The following LIMCH1 variants were observed in gnomAD, a reference collection of about 807,000 sequenced individuals.
LIMCH1 encodes LIM and calponin homology domains 1.
In LIMCH1, 113 loss-of-function variants were observed where a neutral mutation model predicts 176.5. That is an observed-to-expected ratio of 0.64 (90% confidence interval 0.55 to 0.75). The LOEUF (loss-of-function observed/expected upper bound fraction) is 0.75, where lower values mean the gene tolerates loss of function less well. LIMCH1 is among the 30% of genes least tolerant of loss of function. The pLI is 0.00. For missense variants in LIMCH1, 1,674 were observed against 1,814.9 expected, an observed-to-expected ratio of 0.92 and a Z score of 1.41; for synonymous variants, 619 against 645.9, an observed-to-expected ratio of 0.96 and a Z score of 0.63.
At chr4:41,426,017 CTTT>C (rs913325890) in intron 1 of LIMCH1, among the ~76,000 whole-genome samples, 3 of 102,862 alleles carry the variant, frequency 2.9e-5, no homozygotes, top group African/African-American at 1.1e-4. Flanking sequence ...TGAAAAGATT[CTTT>C]TTTTTTTTTT....
In LIMCH1 at chr4:41,624,431, C is replaced by T. The variant is rs567727797; in HGVS notation, c.726-2277C>T. Among the ~76,000 whole-genome samples, 12 of 152,152 alleles carry T rather than the reference C, an allele frequency of 7.9e-5. No individual in the cohort carries two copies. The East Asian group carries it at 1.9e-3, about 25-fold the overall frequency. On this transcript the variant is annotated intron_variant, in intron 7 of 31. Transcript: ENST00000503057. The stretch of plus-strand genomic sequence containing the variant: ...CCCTCCTTACCAAACGCCGGTTCAC[C>T]GTGGCTGCTGAACAGATCCTTGGGT...
At chr4:41,550,682 A>G (rs2080270813) in intron 1 of LIMCH1, among the ~76,000 whole-genome samples, 1 of 152,218 alleles carries the variant, frequency 6.6e-6, no homozygotes, top group South Asian at 2.1e-4. Context: ...TCATCTTGAT[A>G]TGAGTGAGTG....
intron 1 of LIMCH1, among the ~76,000 whole-genome samples, chr4:41,562,941 G>A (rs374237535): frequency 1.3e-5 from 2 of 152,060 alleles, no homozygotes; most frequent in South Asian, 2.1e-4. Context: ...TGTTATGAAA[G>A]GATTTGATTC....
intron 1 of LIMCH1, among the ~76,000 whole-genome samples, chr4:41,583,769 TTC>T (rs199734446): frequency 8.0e-5 from 12 of 149,890 alleles, no homozygotes; most frequent in African/African-American, 2.5e-4. Context: ...TCCACCCAAT[TTC>T]TCTCTCTCTC....
intron 1 of LIMCH1, among the ~76,000 whole-genome samples, chr4:41,468,348 T>TCCC (rs1187164500): frequency 2.7e-3 from 31 of 11,312 alleles, no homozygotes; most frequent in Non-Finnish European, 5.8e-3. Flanking sequence ...CCTCCCCTCC[T>TCCC]CCTCCTCCCT....
chr4:41,575,147 A>G (rs2084250457), intron 1 of LIMCH1, among the ~76,000 whole-genome samples: 1 of 152,250 alleles, frequency 6.6e-6, no homozygotes, highest in African/African-American at 2.4e-5. Context: ...TAATGTAATT[A>G]TTCTGACTAG....
chr4:41,508,735 TAAG>T (rs2074481792), intron 2 of LIMCH1, among the ~76,000 whole-genome samples: 1 of 152,178 alleles, frequency 6.6e-6, no homozygotes, highest in African/African-American at 2.4e-5. Context: ...CCAAGAGGGC[TAAG>T]AAGACTTTTA....
At chr4:41,484,444 T>A (rs1451363830) in intron 1 of LIMCH1, among the ~76,000 whole-genome samples, 1 of 152,234 alleles carries the variant, frequency 6.6e-6, no homozygotes, top group Non-Finnish European at 1.5e-5. Context: ...TTTGATTTGA[T>A]TGTTTCTAGC....
intron 18 of LIMCH1, among the ~76,000 whole-genome samples, chr4:41,661,157 T>A (rs993963478): frequency 6.7e-6 from 1 of 150,310 alleles, no homozygotes; most frequent in Non-Finnish European, 1.5e-5. Context: ...CTTTTGGTGG[T>A]GAAAGAAAAG....
At chr4:41,618,998 T>TG (rs2092358590) in intron 5 of LIMCH1, among the ~76,000 whole-genome samples, 190 bp from the exon 6 acceptor site, 2 of 152,294 alleles carry the variant, frequency 1.3e-5, no homozygotes, top group South Asian at 2.1e-4. Context: ...TTCCTGATTT[T>TG]TTTCCTTCTT....
intron 7 of LIMCH1, among the ~76,000 whole-genome samples, 153 bp from the exon 8 acceptor site, chr4:41,626,555 T>C (rs1042724814): frequency 2.6e-5 from 4 of 152,144 alleles, no homozygotes; most frequent in African/African-American, 7.2e-5. Flanking sequence ...CTAACTATGC[T>C]GCAATTCTAG....
chr4:41,620,297 T>G, intron 6 of LIMCH1, 127 bp from the exon 7 acceptor site: 1 of 908,310 alleles, frequency 1.1e-6, no homozygotes, highest in Non-Finnish European at 1.6e-6. Flanking sequence ...ATTATCAGGA[T>G]TATATTGTGT....
intron 1 of LIMCH1, among the ~76,000 whole-genome samples, chr4:41,490,521 C>T (rs2070601794): frequency 6.6e-6 from 1 of 152,118 alleles, no homozygotes; most frequent in African/African-American, 2.4e-5. Flanking sequence ...TTTAACAAAG[C>T]ACATCTTGCA....
chr4:41,641,132 G>A, intron 14 of LIMCH1, among the ~76,000 whole-genome samples: 1 of 152,132 alleles, frequency 6.6e-6, no homozygotes, highest in South Asian at 2.1e-4. Flanking sequence ...GAGACTCCTG[G>A]ACTCTGCAGC....
At chr4:41,396,331 T>C (rs2057796811) in intron 1 of LIMCH1, among the ~76,000 whole-genome samples, 1 of 152,228 alleles carries the variant, frequency 6.6e-6, no homozygotes, top group Non-Finnish European at 1.5e-5. Context: ...ATGCAAAAGA[T>C]TGAAATCTGC....
At chr4:41,436,960 C>A (rs924528440) in intron 1 of LIMCH1, among the ~76,000 whole-genome samples, 5 of 152,156 alleles carry the variant, frequency 3.3e-5, no homozygotes, top group Non-Finnish European at 7.4e-5. Context: ...AATACTGTCA[C>A]GGACCTCAGA....
chr4:41,427,862 A>G (rs2061252791), intron 1 of LIMCH1, among the ~76,000 whole-genome samples: 1 of 152,114 alleles, frequency 6.6e-6, no homozygotes, highest in Admixed American at 6.5e-5. Context: ...GTTTTGCTTT[A>G]ACTCATACCA....
chr4:41,658,525 T>G (rs563129325), intron 18 of LIMCH1, among the ~76,000 whole-genome samples: 1 of 152,304 alleles, frequency 6.6e-6, no homozygotes, highest in South Asian at 2.1e-4. Flanking sequence ...TAGTTAGTGC[T>G]TGAGCACCCC....
chr4:41,515,309 C>G lies in LIMCH1; in HGVS notation c.168-9100C>G, dbSNP rs150329291. On this transcript the variant is annotated intron_variant, in intron 2 of 26. Coordinates refer to the LIMCH1 transcript ENST00000313860. ...TCCTTCCTCCGCGTCCCCAGCTTTT[C>G]TATTGCCTTCCGCCTGTCCAGAGAC... 1.7e-4 allele frequency among the ~76,000 whole-genome samples: 26 copies of G among 152,346 alleles called. No individual in the cohort carries two copies. The East Asian group carries it at 4.8e-3, about 28-fold the overall frequency.
Sources: allele counts gnomAD v4.1 joint callset (sites outside exome capture counted in the v4.1 genomes callset), GRCh38; gene constraint gnomAD v4.1.1; transcripts MANE v1.5; gene names NCBI Gene and HGNC (gene_info 2026-07-23, HGNC 2026-07-21).